Variants in PRAG1 observed in about 807,000 individuals in gnomAD.
PRAG1 encodes PEAK1 related, kinase-activating pseudokinase 1, also known as inactive tyrosine-protein kinase PRAG1.
Under a neutral mutation model 95.6 loss-of-function variants are expected in PRAG1, and 110 were observed. The observed-to-expected ratio is 1.15, with a 90% CI of 0.99 to 1.35. PRAG1 has a LOEUF of 1.35. PRAG1 is among the 40% of genes most tolerant of loss of function. The probability of loss-of-function intolerance (pLI) is 0.00; values close to 1 mark genes in which losing one functional copy is unlikely to be tolerated. For synonymous variants in PRAG1, 1,052 were observed against 819.4 expected (o/e 1.28, Z -4.85); for missense variants, 2,554 against 1,864.7 (o/e 1.37, Z -6.81).
At chr8:8,348,328 C>T (rs1799413397) in intron 3 of PRAG1, among the ~76,000 whole-genome samples, 1 of 152,210 alleles carries the variant, frequency 6.6e-6, no homozygotes, top group African/African-American at 2.4e-5. Context: ...TAAGGATTCT[C>T]TCTAGCTTAG....
chr8:8,375,662 A>T (rs543035193), intron 3 of PRAG1, among the ~76,000 whole-genome samples: 28 of 152,146 alleles, frequency 1.8e-4, no homozygotes, highest in South Asian at 6.2e-4. Context: ...CTTTAAAAAA[A>T]TTTTTTTTAA....
rs1228540120 is a variant in PRAG1 at position 8,327,763 on chromosome 8, T to C, written c.3019A>G (p.Ile1007Val). The change falls in exon 5 of 6, where the codon ATT becomes GTT. Residue 1007 changes from isoleucine (I) to valine (V), a missense_variant. Transcript: ENST00000615670. ...NKPCCDSGDA[I>V]YYCATCSEDP... ...TCAGAGCAGGTGGCACAGTAATAAA[T>C]GGCATCCCCCGAGTCACAGCAGGGC... is the stretch of plus-strand genomic sequence containing the variant. 26 of 1,614,054 alleles carry C rather than the reference T, an allele frequency of 1.6e-5. 1 individual carries two copies. Among genetic ancestry groups the C allele is most frequent in the Middle Eastern group, 1.6e-4 (1 of 6,084 alleles).
At position 8,340,551 on chromosome 8, in the gene PRAG1, C is replaced by T. The variant is rs1290677232; in HGVS notation, c.2163-916G>A. Among the ~76,000 whole-genome samples, 3 of 152,254 alleles carry T rather than the reference C, an allele frequency of 2.0e-5. No individual in the cohort carries two copies. The South Asian group carries it at 6.2e-4, about 32-fold the overall frequency. On this transcript the variant is annotated intron_variant, in intron 3 of 5. Transcript: ENST00000615670. ...GATGACATTCCTGTTCCTTCTACGG[C>T]AGATCCATATCTCAATATCTGCTAT...
chr8:8,324,220 C>G (rs1798561690), intron 5 of PRAG1, among the ~76,000 whole-genome samples: 2 of 152,244 alleles, frequency 1.3e-5, no homozygotes, highest in African/African-American at 4.8e-5. Context: ...TGCCCAGGGG[C>G]CTGGGAAGAG....
rs539435402 is a variant in PRAG1 at position 8,320,327 on chromosome 8, A to G, written c.3073-1025T>C. ...ACCATCTGAGATGAAGGTAGGAAAAACAAGATGGAAGGTCTCAGGCTTCTC... is the reference window on the plus strand; with the variant it reads ...ACCATCTGAGATGAAGGTAGGAAAAGCAAGATGGAAGGTCTCAGGCTTCTC... On this transcript the variant is annotated intron_variant, in intron 5 of 5. Transcript: ENST00000615670. Among the ~76,000 whole-genome samples, 5 of 152,270 alleles carry G rather than the reference A, an allele frequency of 3.3e-5. No individual in the cohort carries two copies. In the East Asian group the frequency reaches 9.7e-4, roughly 29 times the overall value.
intron 3 of PRAG1, among the ~76,000 whole-genome samples, chr8:8,372,342 A>G (rs78487767): frequency 0.013 from 2,002 of 152,332 alleles, 46 homozygotes; most frequent in East Asian, 0.097. Context: ...AGTCTTAAGC[A>G]TGACATTTAA....
chr8:8,374,528 T>A (rs1404291578), intron 3 of PRAG1: 1 of 453,352 alleles, frequency 2.2e-6, no homozygotes, highest in African/African-American at 2.1e-5. Context: ...TTGTCATCTG[T>A]AAATTGGGGC....
intron 4 of PRAG1, among the ~76,000 whole-genome samples, chr8:8,332,878 C>A (rs974702442): frequency 2.0e-5 from 3 of 150,538 alleles, no homozygotes; most frequent in African/African-American, 7.4e-5. Flanking sequence ...TTAGGCAACA[C>A]AGCATCTATG....
chr8:8,368,377 C>T (rs1800080564), intron 3 of PRAG1, among the ~76,000 whole-genome samples: 1 of 152,178 alleles, frequency 6.6e-6, no homozygotes, highest in African/African-American at 2.4e-5. Context: ...ATAGTATAAA[C>T]ACTCCTAACG....
intron 3 of PRAG1, among the ~76,000 whole-genome samples, chr8:8,375,754 G>A (rs1015398316): frequency 2.0e-5 from 3 of 151,396 alleles, no homozygotes; most frequent in Non-Finnish European, 2.9e-5. Context: ...CAAACACCTG[G>A]GCTCAAGTAA....
At chr8:8,366,824 T>C (rs939921236) in intron 3 of PRAG1, among the ~76,000 whole-genome samples, 1 of 151,942 alleles carries the variant, frequency 6.6e-6, no homozygotes, top group African/African-American at 2.4e-5. Flanking sequence ...ACTACAGGTA[T>C]GTGCCACCAT....
At chr8:8,366,248 G>T (rs1800000685) in intron 3 of PRAG1, among the ~76,000 whole-genome samples, 1 of 151,742 alleles carries the variant, frequency 6.6e-6, no homozygotes, top group African/African-American at 2.4e-5. Flanking sequence ...CAAAGAGAAT[G>T]GCCGTCATCT....
intron 3 of PRAG1, among the ~76,000 whole-genome samples, chr8:8,351,765 A>G (rs1404094879): frequency 6.6e-6 from 1 of 152,146 alleles, no homozygotes; most frequent in Non-Finnish European, 1.5e-5. Flanking sequence ...CTATTTTATT[A>G]CATCAGCCTG....
intron 5 of PRAG1, 41 bp downstream of exon 5, chr8:8,327,669 G>T (rs373050545): frequency 3.8e-6 from 6 of 1,575,172 alleles, no homozygotes; most frequent in Non-Finnish European, 5.2e-6. Context: ...GCCAGCACCA[G>T]CCAGTGGCAC....
chr8:8,358,004 T>C (rs183219169), intron 3 of PRAG1, among the ~76,000 whole-genome samples: 31 of 152,272 alleles, frequency 2.0e-4, no homozygotes, highest in Non-Finnish European at 3.8e-4. Flanking sequence ...ACTATCTACC[T>C]AGAGGTAGAG....
At chr8:8,384,608 CAAAAAAAAA>C (rs11400182) in intron 1 of PRAG1, among the ~76,000 whole-genome samples, 4 of 92,464 alleles carry the variant, frequency 4.3e-5, no homozygotes, top group African/African-American at 1.3e-4. Context: ...CGCATGCAGC[CAAAAAAAAA>C]AAAAAAAAAA....
intron 5 of PRAG1, among the ~76,000 whole-genome samples, chr8:8,319,779 G>A (rs1417088326): frequency 1.3e-5 from 2 of 152,144 alleles, no homozygotes; most frequent in African/African-American, 4.8e-5. Context: ...AAAAACGTGG[G>A]CAAGAGATAT....
chr8:8,377,811 G>C lies in PRAG1; in HGVS notation c.598C>G (p.Arg200Gly), dbSNP rs201671243. 2 of 1,614,164 alleles carry C rather than the reference G, an allele frequency of 1.2e-6. No individual in the cohort carries two copies. Among genetic ancestry groups the C allele is most frequent in the Middle Eastern group, 1.6e-4 (1 of 6,062 alleles). The change falls in exon 3 of 6, where the codon CGG becomes GGG. Residue 200 changes from arginine to glycine, a missense_variant. Physicochemically the swap from Arg to Gly is moderately radical, Grantham distance 125. Transcript: ENST00000615670. ...CGGAAGCTCTCCTGGGTGGAGGGCC[G>C]GTCTTGGTAAGGAAATGAGGGTTTT... ...KEKPSFPYQDRPSTQESFRQK... is the reference protein window; with the variant it reads ...KEKPSFPYQDGPSTQESFRQK...
At position 8,377,352 on chromosome 8, in the gene PRAG1, CGCCGCT is replaced by C. The variant is rs59372311; in HGVS notation, c.1051_1056del (p.Ser351_Gly352del). ...AGGTGGGGGACGAAGGGGCTACTGG[CGCCGCT>C]GCCGCTGCCGCTGCCGCTGCCACAA... On this transcript the variant is annotated inframe_deletion, in exon 3 of 6. Transcript: ENST00000615670. 736,743 of 1,581,260 alleles carry C rather than the reference CGCCGCT, an allele frequency of 0.47. 182,380 individuals are homozygous for C. Among genetic ancestry groups the C allele is most frequent in the Non-Finnish European group, 0.52 (601,660 of 1,164,582 alleles).
Sources: allele counts gnomAD v4.1 joint callset (sites outside exome capture counted in the v4.1 genomes callset), GRCh38; gene constraint gnomAD v4.1.1; transcripts MANE v1.5; gene names NCBI Gene and HGNC (gene_info 2026-07-23, HGNC 2026-07-21).